KCTD1: variants seen among roughly 807,000 people sequenced by gnomAD.
KCTD1 encodes BTB/POZ domain-containing protein KCTD1.
KCTD1 carries 24 observed loss-of-function variants against 66.0 expected under a neutral mutation model. That is an observed-to-expected ratio of 0.36 (90% CI 0.26 to 0.51). The LOEUF (loss-of-function observed/expected upper bound fraction) is 0.51, where lower values mean the gene tolerates loss of function less well. Among genes scored for constraint, KCTD1 ranks in the 20% least tolerant of loss-of-function variants. The pLI is 0.95. For missense variants in KCTD1, 943 were observed against 1,205.2 expected (o/e 0.78, Z 3.22); for synonymous variants, 511 against 517.2 (o/e 0.99, Z 0.16).
At chr18:26,498,894 G>A (rs1982615352) in intron 2 of KCTD1, among the ~76,000 whole-genome samples, 1 of 152,082 alleles carries the variant, frequency 6.6e-6, no homozygotes, top group Non-Finnish European at 1.5e-5. Context: ...AATGAAAGTA[G>A]CAAATTATTT....
intron 1 of KCTD1, among the ~76,000 whole-genome samples, chr18:26,537,810 A>G (rs1984779087): frequency 6.6e-6 from 1 of 152,246 alleles, no homozygotes; most frequent in South Asian, 2.1e-4. Flanking sequence ...AAGCCATTCC[A>G]AATAAAATTT....
intron 1 of KCTD1, among the ~76,000 whole-genome samples, chr18:26,513,180 C>CTG (rs1983435699): frequency 1.3e-5 from 2 of 151,346 alleles, no homozygotes; most frequent in Non-Finnish European, 2.9e-5. Flanking sequence ...CTCCGCCTCC[C>CTG]GGGTTCACGC....
chr18:26,524,402 C>T (rs570339643), intron 1 of KCTD1, among the ~76,000 whole-genome samples: 92 of 152,276 alleles, frequency 6.0e-4, no homozygotes, highest in Non-Finnish European at 1.1e-3. Context: ...TGTTTTATTT[C>T]GAAACACTCT....
At chr18:26,504,952 T>C (rs1260462835) in intron 1 of KCTD1, among the ~76,000 whole-genome samples, 4 of 152,256 alleles carry the variant, frequency 2.6e-5, no homozygotes, top group African/African-American at 9.6e-5. Context: ...ATGCCCAGGA[T>C]GGCAGAGCTG....
At chr18:26,514,717 T>G (rs1983560984) in intron 1 of KCTD1, among the ~76,000 whole-genome samples, 1 of 152,212 alleles carries the variant, frequency 6.6e-6, no homozygotes, top group African/African-American at 2.4e-5. Context: ...TGGCATTCAC[T>G]GGGATCTTTG....
At chr18:26,578,057 CTTTT>C (rs11381611) in intron 1 of KCTD1, among the ~76,000 whole-genome samples, 2 of 117,046 alleles carry the variant, frequency 1.7e-5, no homozygotes, top group Admixed American at 9.5e-5. Context: ...TCTTTTCTTT[CTTTT>C]TTTTTTTTTT....
intron 1 of KCTD1, chr18:26,543,888 T>C (rs1000338161): frequency 6.6e-6 from 1 of 152,232 alleles, no homozygotes; most frequent in African/African-American, 2.4e-5. Context: ...CTAAACTTTA[T>C]TAGTATTTTC....
chr18:26,550,034 C>T (rs1372024435), upstream of KCTD1, among the ~76,000 whole-genome samples: 1 of 152,118 alleles, frequency 6.6e-6, no homozygotes, highest in Admixed American at 6.5e-5. The surrounding 1 kb of genome is among the most constrained non-coding windows in gnomAD (Gnocchi z 5.4). Context: ...TGCATCCTAA[C>T]TTTCACCTTC....
intron 2 of KCTD1, among the ~76,000 whole-genome samples, chr18:26,480,766 TA>T (rs886104716): frequency 7.4e-4 from 108 of 146,856 alleles, no homozygotes; most frequent in African/African-American, 1.7e-3. Context: ...GACTTTGTCT[TA>T]AAAAAAAAAA....
intron 1 of KCTD1, chr18:26,599,969 C>A: frequency 1.2e-6 from 2 of 1,607,460 alleles, no homozygotes; most frequent in Non-Finnish European, 8.5e-7. Flanking sequence ...GTGAAGCCTG[C>A]AGTGGACCCT....
intron 1 of KCTD1, among the ~76,000 whole-genome samples, chr18:26,513,928 G>A (rs763834727): frequency 1.3e-5 from 2 of 152,212 alleles, no homozygotes; most frequent in Admixed American, 6.5e-5. Flanking sequence ...AGCTGATCGG[G>A]AAGATTACAT....
At chr18:26,532,135 A>C (rs1984462589) in intron 1 of KCTD1, among the ~76,000 whole-genome samples, 1 of 152,156 alleles carries the variant, frequency 6.6e-6, no homozygotes, top group Admixed American at 6.5e-5. Context: ...ATGTAATCAC[A>C]CCATAAAGGC....
chr18:26,657,396 C>A, exon 1 of KCTD1: 5 of 985,722 alleles, frequency 5.1e-6, no homozygotes, highest in Non-Finnish European at 6.0e-6. Flanking sequence ...CTCCAAGTCC[C>A]CTTTTCCTTT....
chr18:26,621,431 A>G (rs1428084713), intron 1 of KCTD1, among the ~76,000 whole-genome samples: 1 of 152,090 alleles, frequency 6.6e-6, no homozygotes, highest in African/African-American at 2.4e-5. Flanking sequence ...ATGAATGATT[A>G]AAAATTGAGG....
At chr18:26,643,880 T>G (rs1290695409), upstream of KCTD1, among the ~76,000 whole-genome samples, 1 of 151,876 alleles carries the variant, frequency 6.6e-6, no homozygotes, top group Non-Finnish European at 1.5e-5. Flanking sequence ...GAGAATGGTG[T>G]GAACTCAGGA....
intron 2 of KCTD1, among the ~76,000 whole-genome samples, chr18:26,499,781 AG>A (rs914999668): frequency 3.4e-4 from 52 of 152,128 alleles, no homozygotes; most frequent in African/African-American, 1.2e-3. Flanking sequence ...CTGAAGCTCA[AG>A]GAGTGTGTTT....
rs944195277 is a variant in KCTD1 at position 26,514,567 on chromosome 18, A to G, written c.1810-13317T>C. ...CTTGTCTCAAAAAAAAAAAAAAAAA[A>G]AAAAGAAATGGCAGAGAGATGTTGG... is the stretch of plus-strand genomic sequence containing the variant. On this transcript the variant is annotated intron_variant, in intron 1 of 4. Coordinates refer to ENST00000580059, the MANE Select transcript of KCTD1 (RefSeq NM_001142730.3). Among the ~76,000 whole-genome samples, 57 of 133,946 alleles carry G rather than the reference A, an allele frequency of 4.3e-4. 1 individual carries two copies. Among genetic ancestry groups the G allele is most frequent in the African/African-American group, 1.6e-3 (56 of 34,280 alleles). 87.9% of individuals were successfully genotyped at this position (133,946 alleles called of 152,430 possible).
chr18:26,497,799 G>A (rs1244617801), intron 2 of KCTD1, among the ~76,000 whole-genome samples: 1 of 152,142 alleles, frequency 6.6e-6, no homozygotes, highest in Non-Finnish European at 1.5e-5. Context: ...AATTCTTAAA[G>A]ATATCTCCTA....
rs567673345 is a variant in KCTD1 at position 26,557,992 on chromosome 18, A to G, written c.-15-56742T>C. The stretch of plus-strand genomic sequence containing the variant: ...CTAATTTCCTGACATTCTCTGTTTC[A>G]TCTCCCTGATATGAGTCCAGCTCTC... On this transcript the variant is annotated intron_variant, in intron 1 of 4. Transcript: ENST00000317932. Among the ~76,000 whole-genome samples, 20 of 152,252 alleles carry G rather than the reference A, an allele frequency of 1.3e-4. No individual in the cohort carries two copies. The East Asian group carries it at 1.9e-3, about 15-fold the overall frequency.
Sources: allele counts gnomAD v4.1 joint callset (sites outside exome capture counted in the v4.1 genomes callset), GRCh38; gene constraint gnomAD v4.1.1; non-coding constraint Gnocchi (gnomAD v3.1); transcripts MANE v1.5; gene names NCBI Gene and HGNC (gene_info 2026-07-23, HGNC 2026-07-21).